Variants in NTRK1 observed in about 807,000 individuals in gnomAD.
NTRK1 encodes high affinity nerve growth factor receptor.
A neutral mutation model predicts 86.8 loss-of-function variants in NTRK1; 62 were observed. The observed-to-expected ratio is 0.71, with a 90% CI of 0.58 to 0.88. NTRK1 has a LOEUF of 0.88. Ranked by LOEUF, NTRK1 falls within the 40% of genes least tolerant of loss-of-function variation. The probability of loss-of-function intolerance (pLI) is 0.00; values close to 1 mark genes in which losing one functional copy is unlikely to be tolerated. For missense variants in NTRK1, 967 were observed against 1,078.4 expected, an observed-to-expected ratio of 0.90 and a Z score of 1.45; for synonymous variants, 469 against 456.6, an observed-to-expected ratio of 1.03 and a Z score of -0.35.
chr1:156,848,988 G>C, intron 2 of NTRK1: 1 of 1,611,840 alleles, frequency 6.2e-7, no homozygotes, highest in East Asian at 2.2e-5. Context: ...CGCTCCCAGC[G>C]TAGCAGGATG....
chr1:156,875,373 C>A, intron 11 of NTRK1, 147 bp from the exon 12 acceptor site: 1 of 1,105,568 alleles, frequency 9.0e-7, no homozygotes, highest in South Asian at 1.3e-5. Flanking sequence ...GTGGTGCCCC[C>A]TTCCCCCTGC....
At chr1:156,816,748 T>C (rs151136243) in intron 1 of NTRK1, 1 of 1,558,822 alleles carries the variant, frequency 6.4e-7, no homozygotes, top group Non-Finnish European at 8.7e-7. Context: ...AGGGTGTGTG[T>C]ATGTGTTCCG....
At position 156,868,705 on chromosome 1, in the gene NTRK1, G is replaced by A. The variant is rs1571690502; in HGVS notation, c.717+58G>A. Reference sequence around the variant, plus strand: ...GTCCAGGCAGAGCACAGGGGACAAAGATGGGGAAAGAGAGACACACTGTGG... The same window carrying A: ...GTCCAGGCAGAGCACAGGGGACAAAAATGGGGAAAGAGAGACACACTGTGG... On this transcript the variant is annotated intron_variant, in intron 6 of 16. Transcript: ENST00000524377. The A allele has an allele frequency of 8.4e-6, 13 of 1,542,094 alleles. No individual in the cohort carries two copies. In the East Asian group the frequency reaches 1.2e-4, roughly 14 times the overall value.
chr1:156,843,093 T>G (rs1654859823), intron 2 of NTRK1: 1 of 1,614,176 alleles, frequency 6.2e-7, no homozygotes, highest in Non-Finnish European at 8.5e-7. Context: ...TTCACCGTCT[T>G]CAGGGCCACG....
intron 1 of NTRK1, among the ~76,000 whole-genome samples, chr1:156,835,383 A>G (rs6427333): frequency 0.77 from 116,802 of 152,134 alleles, 44,993 homozygotes; most frequent in East Asian, 0.85. Flanking sequence ...CAGGGCGCCT[A>G]TAAGGCTCTG....
chr1:156,841,451 A>C, intron 1 of NTRK1: 2 of 1,613,984 alleles, frequency 1.2e-6, no homozygotes, highest in Non-Finnish European at 1.7e-6. Flanking sequence ...GACGAACTTC[A>C]GCACCTGCTC....
intron 1 of NTRK1, among the ~76,000 whole-genome samples, chr1:156,817,047 T>TTCTC (rs3840456): frequency 0.027 from 3,025 of 113,774 alleles, 212 homozygotes; most frequent in African/African-American, 0.083. Flanking sequence ...GAACTTCCCT[T>TTCTC]TCTCTCTCTC....
At chr1:156,834,172 A>G (rs1373384563) in intron 1 of NTRK1, among the ~76,000 whole-genome samples, 1 of 152,186 alleles carries the variant, frequency 6.6e-6, no homozygotes, top group Non-Finnish European at 1.5e-5. Context: ...TGGGTGGTAT[A>G]GAGATCAGAA....
At chr1:156,873,988 C>T (rs1033275502) in intron 8 of NTRK1, 29 bp downstream of exon 8, 12 of 1,544,570 alleles carry the variant, frequency 7.8e-6, no homozygotes, top group Non-Finnish European at 8.8e-6. Flanking sequence ...ACCCTGCCCC[C>T]ACTCCTGGGC....
At chr1:156,823,736 C>T (rs1223813682) in intron 1 of NTRK1, among the ~76,000 whole-genome samples, 1 of 152,184 alleles carries the variant, frequency 6.6e-6, no homozygotes, top group Non-Finnish European at 1.5e-5. Flanking sequence ...CTCTGCACCT[C>T]AGTGAGAAGG....
At chr1:156,830,919 T>C (rs570118151) in intron 1 of NTRK1, among the ~76,000 whole-genome samples, 1 of 152,228 alleles carries the variant, frequency 6.6e-6, no homozygotes, top group Non-Finnish European at 1.5e-5. Context: ...TTTTCTTACC[T>C]TCTTTTCTAC....
At chr1:156,880,271 G>T (rs1208578088) in intron 16 of NTRK1, 114 bp downstream of exon 16, 6 of 1,184,994 alleles carry the variant, frequency 5.1e-6, no homozygotes, top group African/African-American at 1.5e-5. Flanking sequence ...CCTGTTGGGG[G>T]GCCCTTTCCA....
intron 3 of NTRK1, among the ~76,000 whole-genome samples, chr1:156,865,629 G>T (rs1340938458): frequency 6.6e-6 from 1 of 152,146 alleles, no homozygotes; most frequent in African/African-American, 2.4e-5. Context: ...TCCCTCTGTT[G>T]CTCAGGCTGG....
At chr1:156,842,559 T>C in intron 2 of NTRK1, 1 of 1,465,420 alleles carries the variant, frequency 6.8e-7, no homozygotes, top group Non-Finnish European at 9.6e-7. Context: ...TTGACCCATT[T>C]GGCCAAAATT....
At position 156,871,467 on chromosome 1, in the gene NTRK1, A is replaced by C. The variant is rs2644614; in HGVS notation, c.718-156A>C. 0.98 allele frequency among the ~76,000 whole-genome samples: 149,208 copies of C among 152,290 alleles called. 73,182 individuals are homozygous for C. The highest frequency in any genetic ancestry group is 1 in the Middle Eastern group (294 of 294). On this transcript the variant is annotated intron_variant, in intron 6 of 16. Coordinates refer to ENST00000524377, the MANE Select transcript of NTRK1 (RefSeq NM_002529.4). ...ACAAACCTAAAGGAGGAAGGCCATT[A>C]TCTGCTACATTCTCTCCCACCCCTC...
intron 1 of NTRK1, among the ~76,000 whole-genome samples, chr1:156,817,018 G>T (rs2102827577): frequency 8.2e-6 from 1 of 121,754 alleles, no homozygotes; most frequent in South Asian, 2.7e-4. Flanking sequence ...TTCTTTCTCT[G>T]CCCCCTCACC....
At chr1:156,840,719 C>G (rs1018526648) in intron 1 of NTRK1, 5 of 653,836 alleles carry the variant, frequency 7.6e-6, no homozygotes, top group African/African-American at 7.3e-5. Context: ...CCTCTGCCCA[C>G]CCCCACAGCC....
At chr1:156,860,737 C>T (rs996588381), upstream of NTRK1, 7 of 1,060,988 alleles carry the variant, frequency 6.6e-6, no homozygotes, top group Admixed American at 4.2e-5. Context: ...GGGGAGGGGG[C>T]AGAGGGGGGG....
rs2102930437 is a variant in NTRK1, at chr1:156,881,440, C to T, written c.2206-17C>T. On this transcript the variant is annotated splice_polypyrimidine_tract_variant and intron_variant, in intron 16 of 16. Coordinates refer to ENST00000524377, the MANE Select transcript of NTRK1 (RefSeq NM_002529.4). ...CAGCCTAGTGGGCTTTCTCCTCTGT[C>T]TCTCCGGTGGCCCCAGGCAATCGAC... The T allele has an allele frequency of 6.4e-7, 1 of 1,553,564 alleles. No homozygotes were observed. The highest frequency in any genetic ancestry group is 8.7e-7 in the Non-Finnish European group (1 of 1,148,396).
Sources: gnomAD v4.1 joint callset for allele counts (sites outside exome capture counted in the v4.1 genomes callset) on GRCh38, gnomAD v4.1.1 for gene constraint, MANE v1.5 for transcripts, NCBI Gene and HGNC (gene_info 2026-07-23, HGNC 2026-07-21) for gene names.